BECN1: variants seen among roughly 807,000 people sequenced by gnomAD.
The protein encoded by BECN1 is beclin-1.
A neutral mutation model predicts 60.1 loss-of-function variants in BECN1; 15 were observed. The observed-to-expected ratio is 0.25, with a 90% CI of 0.17 to 0.38. BECN1 has a LOEUF of 0.38. Ranked by LOEUF, BECN1 falls within the 10% of genes least tolerant of loss-of-function variation. The pLI is 1.00. For synonymous variants in BECN1, 179 were observed against 201.8 expected (o/e 0.89, Z 0.96); for missense variants, 424 against 548.2 (o/e 0.77, Z 2.26).
At chr17:42,820,135 G>A (rs557403871) in intron 3 of BECN1, among the ~76,000 whole-genome samples, 4 of 152,178 alleles carry the variant, frequency 2.6e-5, no homozygotes, top group South Asian at 2.1e-4. Flanking sequence ...TGCAGGGGGC[G>A]CTGGCCAGAA....
In BECN1 at chr17:42,818,189, G is replaced by T. The variant is rs752314295; in HGVS notation, c.683+32C>A. The T allele has an allele frequency of 7.5e-6, 12 of 1,605,084 alleles. No individual in the cohort carries two copies. The Admixed American group carries it at 1.9e-4, about 25-fold the overall frequency. On this transcript the variant is annotated intron_variant, in intron 7 of 11. Coordinates refer to ENST00000590099, the MANE Select transcript of BECN1 (RefSeq NM_001313998.2). ...GCCATTTCCTCTCCTGGAGCCTCGAGTGTGAGAAGATAGAACAGGGTGAGC... is the reference window on the plus strand; with the variant it reads ...GCCATTTCCTCTCCTGGAGCCTCGATTGTGAGAAGATAGAACAGGGTGAGC...
At chr17:42,822,932 C>A (rs896667942) in intron 2 of BECN1, among the ~76,000 whole-genome samples, 43 of 152,154 alleles carry the variant, frequency 2.8e-4, no homozygotes, top group African/African-American at 1.0e-3. Flanking sequence ...CCTCCCACCT[C>A]AGCCTCCCAA....
In BECN1 at chr17:42,815,927, T is replaced by TA; in HGVS notation, c.810dup (p.Asn271Ter). On this transcript the variant is annotated frameshift_variant, in exon 8 of 12. Transcript: ENST00000590099. LOFTEE classifies it high-confidence loss of function. ...CATTACCAGATGTGGAAGGTTGCAT[T>TA]AAAGACGTTGGTTTTCTTCAGCTTA... 6.2e-7 allele frequency: 1 copy of TA among 1,614,224 alleles called. No individual in the cohort carries two copies. The highest frequency in any genetic ancestry group is 8.5e-7 in the Non-Finnish European group (1 of 1,180,044).
In BECN1 at chr17:42,815,568, AG is replaced by A. The variant is rs2055128626; in HGVS notation, c.830+339del. The A allele has an allele frequency of 1.0e-5, 3 of 290,666 alleles. No homozygotes were observed. The East Asian group carries it at 2.5e-4, about 24-fold the overall frequency. 18.0% of individuals were successfully genotyped at this position (290,666 alleles called of 1,614,324 possible). A position where few individuals can be genotyped will look rare whatever the true frequency, so the allele number is the denominator to read the frequency against. On this transcript the variant is annotated intron_variant, in intron 8 of 11. Coordinates refer to ENST00000590099, the MANE Select transcript of BECN1 (RefSeq NM_001313998.2). ...CATACTGTTTTGCTGTTGCCCTCCT[AG>A]CACTCAGCACAGTGCCTTTTCCAGA... is the stretch of plus-strand genomic sequence containing the variant.
chr17:42,811,739 T>C lies in BECN1; in HGVS notation c.1100A>G (p.His367Arg), dbSNP rs928458876. 1.2e-6 allele frequency: 2 copies of C among 1,614,096 alleles called. No homozygotes were observed. Among genetic ancestry groups the C allele is most frequent in the Non-Finnish European group, 8.5e-7 (1 of 1,180,042 alleles). Residue 367 changes from histidine (H) to arginine (R), a missense_variant, in exon 11 of 12, where the codon CAT becomes CGT. Transcript: ENST00000590099. ...ACAGTCCAGGAAAGCCACCATTGCA[T>C]GGTCAAACTTGTTGTCCCAGAAAAA... Reference protein sequence around the residue: ...LRFFWDNKFDHAMVAFLDCVQ... With the variant: ...LRFFWDNKFDRAMVAFLDCVQ...
chr17:42,821,772 A>T (rs1470419429), intron 2 of BECN1, among the ~76,000 whole-genome samples: 1 of 152,198 alleles, frequency 6.6e-6, no homozygotes, highest in East Asian at 1.9e-4. Context: ...AGAGGATGGG[A>T]GGTGAATGGA....
intron 8 of BECN1, 83 bp from the exon 9 acceptor site, chr17:42,814,756 G>A: frequency 1.3e-6 from 2 of 1,535,424 alleles, no homozygotes; most frequent in Non-Finnish European, 1.8e-6. Context: ...CCCAAACCTA[G>A]CTTAAATCTA....
At position 42,819,538 on chromosome 17, in the gene BECN1, T is replaced by C. The variant is rs766491191; in HGVS notation, c.260+10A>G. 2.5e-6 allele frequency: 4 copies of C among 1,613,096 alleles called. No homozygotes were observed. Among genetic ancestry groups the C allele is most frequent in the Non-Finnish European group, 3.4e-6 (4 of 1,179,796 alleles). Reference sequence around the variant, plus strand: ...TTGGCAAGGAATGGGGGCTGAGAAGTAGTAGGCACCTGGCTGGGGGGATGA... The same window carrying C: ...TTGGCAAGGAATGGGGGCTGAGAAGCAGTAGGCACCTGGCTGGGGGGATGA... On this transcript the variant is annotated intron_variant, in intron 4 of 11. Coordinates refer to ENST00000590099, the MANE Select transcript of BECN1 (RefSeq NM_001313998.2).
Position 42,820,957 on chromosome 17 carries a change from T to C in BECN1, c.131-116A>G, listed in dbSNP as rs184057992. 2.0e-5 allele frequency: 17 copies of C among 869,872 alleles called. No individual in the cohort carries two copies. In the East Asian group the frequency reaches 4.0e-4, roughly 20 times the overall value. The allele number at this position is 869,872 out of a possible 1,614,324, so 53.9% of individuals were successfully genotyped here. ...TCACCACCCTCACCTCCAATTTTTC[T>C]TAAAGTACCATTTACACCAAAAGAA... On this transcript the variant is annotated intron_variant, in intron 2 of 11. Transcript: ENST00000590099.
At position 42,823,887 on chromosome 17, in the gene BECN1, C is replaced by T. The variant is rs1272177021; in HGVS notation, c.-2-8G>A. 6 of 1,612,044 alleles carry T rather than the reference C, an allele frequency of 3.7e-6. No homozygotes were observed. Among genetic ancestry groups the T allele is most frequent in the Middle Eastern group, 1.7e-4 (1 of 6,054 alleles). On this transcript the variant is annotated splice_region_variant and splice_polypyrimidine_tract_variant and intron_variant, in intron 1 of 11. Transcript: ENST00000590099. Reference sequence around the variant, plus strand: ...TCTTAGACCCTTCCATCCCTGAGGCCGTGGAAAAGAGGCAACATTAGGGAG... The same window carrying T: ...TCTTAGACCCTTCCATCCCTGAGGCTGTGGAAAAGAGGCAACATTAGGGAG...
Position 42,818,290 on chromosome 17 carries a change from C to A in BECN1, c.614G>T (p.Arg205Leu), listed in dbSNP as rs141389235. Residue 205 changes from arginine to leucine, a missense_variant, in exon 7 of 12, where the codon CGC becomes CTC. Coordinates refer to ENST00000590099, the MANE Select transcript of BECN1 (RefSeq NM_001313998.2). ...CTCGAGATTTTCTGCCACTATCTTG[C>A]GGTTCTTTTCCACGTCTTCCAGCTC... ...IQELEDVEKNRKIVAENLEKV... is the reference protein window; with the variant it reads ...IQELEDVEKNLKIVAENLEKV... The A allele has an allele frequency of 6.2e-7, 1 of 1,614,218 alleles. No homozygotes were observed. The highest frequency in any genetic ancestry group is 8.5e-7 in the Non-Finnish European group (1 of 1,180,044).
At chr17:42,822,371 A>G (rs933912027) in intron 2 of BECN1, among the ~76,000 whole-genome samples, 5 of 152,222 alleles carry the variant, frequency 3.3e-5, no homozygotes, top group African/African-American at 1.2e-4. Context: ...AACGTTTTAC[A>G]GAAAAAATCA....
chr17:42,814,502 A>G, intron 9 of BECN1, 22 bp downstream of exon 9: 1 of 1,614,004 alleles, frequency 6.2e-7, no homozygotes, highest in Non-Finnish European at 8.5e-7. Context: ...ATCACTCCCC[A>G]AGAAAGGGCT....
At chr17:42,820,500 T>C in intron 3 of BECN1, 1 of 373,810 alleles carries the variant, frequency 2.7e-6, no homozygotes, top group Non-Finnish European at 4.9e-6. Flanking sequence ...CTACAATAAT[T>C]TATAATTCTG....
chr17:42,824,118 C>T (rs1053685402), intron 1 of BECN1, 37 bp downstream of exon 1: 1 of 510,078 alleles, frequency 2.0e-6, no homozygotes, highest in Non-Finnish European at 3.5e-6. Flanking sequence ...CCCAGACTCC[C>T]TTCTAAGGTC....
chr17:42,812,054 A>C (rs2055023349), intron 10 of BECN1: 1 of 433,972 alleles, frequency 2.3e-6, no homozygotes. Flanking sequence ...CCAAATTGCT[A>C]CAAAACCTTT....
chr17:42,811,323 A>G, intron 11 of BECN1: 1 of 285,982 alleles, frequency 3.5e-6, no homozygotes, highest in Non-Finnish European at 6.4e-6. Context: ...CCATCCATCA[A>G]TGGGATCCTA....
At chr17:42,818,912 G>A (rs776328239) in intron 4 of BECN1, 35 bp from the exon 5 acceptor site, 5 of 1,608,122 alleles carry the variant, frequency 3.1e-6, no homozygotes, top group Middle Eastern at 1.7e-4. Context: ...GCCACATGAG[G>A]GAACAGAGAG....
chr17:42,820,185 G>C (rs1224011899), intron 3 of BECN1, among the ~76,000 whole-genome samples: 2 of 152,192 alleles, frequency 1.3e-5, no homozygotes, highest in Admixed American at 1.3e-4. Context: ...CACTCCCCCA[G>C]TGACTGGCAG....
Sources: allele counts gnomAD v4.1 joint callset (sites outside exome capture counted in the v4.1 genomes callset), GRCh38; gene constraint gnomAD v4.1.1; transcripts MANE v1.5; gene names NCBI Gene and HGNC (gene_info 2026-07-23, HGNC 2026-07-21).